FRMD4B: variants seen among roughly 807,000 people sequenced by gnomAD.
FRMD4B encodes the protein FERM domain-containing protein 4B.
FRMD4B carries 74 observed loss-of-function variants against 141.5 expected under a neutral mutation model. The observed-to-expected ratio is 0.52, with a 90% CI of 0.43 to 0.63. The LOEUF is 0.63. FRMD4B is among the 30% of genes least tolerant of loss of function. The probability of loss-of-function intolerance (pLI) is 0.00; values close to 1 mark genes in which losing one functional copy is unlikely to be tolerated. For missense variants in FRMD4B, 1,366 were observed against 1,253.4 expected (o/e 1.09, Z -1.36); for synonymous variants, 506 against 467.9 (o/e 1.08, Z -1.05).
intron 1 of FRMD4B, among the ~76,000 whole-genome samples, chr3:69,520,462 A>G (rs540409314): frequency 6.7e-6 from 1 of 149,846 alleles, no homozygotes; most frequent in East Asian, 2.0e-4. Flanking sequence ...TGGGGTGTAT[A>G]CCAGATACCT....
intron 1 of FRMD4B, among the ~76,000 whole-genome samples, chr3:69,356,833 C>T (rs1703338486): frequency 6.6e-6 from 1 of 152,036 alleles, no homozygotes; most frequent in Non-Finnish European, 1.5e-5. Flanking sequence ...TGGAGAGAGA[C>T]ATACTCCAAT....
rs1374690573 is a variant in FRMD4B, at chr3:69,199,826, CT to C, written c.877-1053del. The stretch of plus-strand genomic sequence containing the variant: ...AACCAAATAATTTGATAGAAAGCAG[CT>C]CATTCACAGAATTGAGGATGCCTTG... On this transcript the variant is annotated intron_variant, in intron 11 of 22. Transcript: ENST00000398540. Among the ~76,000 whole-genome samples, 11 of 152,338 alleles carry C rather than the reference CT, an allele frequency of 7.2e-5. No individual in the cohort carries two copies. In the South Asian group the frequency reaches 8.3e-4, roughly 11 times the overall value.
At chr3:69,310,335 C>T (rs538668084) in intron 3 of FRMD4B, 13 of 397,078 alleles carry the variant, frequency 3.3e-5, no homozygotes, top group African/African-American at 2.5e-4. Context: ...AACTAAAGAA[C>T]TGAAAAATAT....
chr3:69,290,952 A>T (rs1434577813), intron 4 of FRMD4B, among the ~76,000 whole-genome samples: 1 of 152,196 alleles, frequency 6.6e-6, no homozygotes, highest in Non-Finnish European at 1.5e-5. Context: ...TGGGCGTCTC[A>T]ACCATGTAAA....
At chr3:69,221,049 G>A (rs958855580) in intron 9 of FRMD4B, among the ~76,000 whole-genome samples, 1 of 151,130 alleles carries the variant, frequency 6.6e-6, no homozygotes, top group Non-Finnish European at 1.5e-5. Flanking sequence ...TGCAACATCC[G>A]CCTCCCTGGT....
At chr3:69,250,290 CGTGTGTGTGT>C (rs10526962) in intron 5 of FRMD4B, 191 bp from the exon 6 acceptor site, 8 of 418,626 alleles carry the variant, frequency 1.9e-5, no homozygotes, top group African/African-American at 4.0e-5. Context: ...ACTGTGTGTG[CGTGTGTGTGT>C]GTGTGTGTGT....
chr3:69,450,880 T>C (rs1160706961), intron 1 of FRMD4B, among the ~76,000 whole-genome samples: 2 of 152,214 alleles, frequency 1.3e-5, no homozygotes, highest in African/African-American at 4.8e-5. Flanking sequence ...TCTGATGGCC[T>C]TCCCACTAAA....
chr3:69,235,150 AAATAATAATAATAATAAT>A (rs55995422), intron 7 of FRMD4B, among the ~76,000 whole-genome samples: 80 of 134,110 alleles, frequency 6.0e-4, no homozygotes, highest in African/African-American at 1.4e-3. Context: ...ACCCTGTCTC[AAATAATAATAATAATAAT>A]AATAATAATA....
In FRMD4B at chr3:69,443,174, G is replaced by C. The variant is rs78972412; in HGVS notation, c.-128-10413C>G. Among the ~76,000 whole-genome samples the C allele has an allele frequency of 2.5e-3, 373 of 152,236 alleles. 1 individual carries two copies. The highest frequency in any genetic ancestry group is 4.0e-3 in the Non-Finnish European group (273 of 68,000). On this transcript the variant is annotated intron_variant, in intron 1 of 5. Coordinates refer to the FRMD4B transcript ENST00000459638. ...CCCTGACCCCCAGGGAGGGGAGAGGGGCTGGAGGTTGAGTTCAGTCACCAG... is the reference window on the plus strand; with the variant it reads ...CCCTGACCCCCAGGGAGGGGAGAGGCGCTGGAGGTTGAGTTCAGTCACCAG...
At chr3:69,191,999 A>G (rs1200554838) in intron 17 of FRMD4B, among the ~76,000 whole-genome samples, 1 of 152,176 alleles carries the variant, frequency 6.6e-6, no homozygotes, top group Non-Finnish European at 1.5e-5. Context: ...ACCTTATTTC[A>G]TCAAATCTAA....
chr3:69,469,074 A>T (rs1325843311), intron 1 of FRMD4B, among the ~76,000 whole-genome samples: 4 of 152,156 alleles, frequency 2.6e-5, no homozygotes, highest in African/African-American at 9.7e-5. Context: ...TTCCTACCAA[A>T]TCCCTTTAAA....
In FRMD4B at chr3:69,212,402, GA is replaced by G. The variant is rs1263494774; in HGVS notation, c.876+3860del. Among the ~76,000 whole-genome samples, 216 of 79,314 alleles carry G rather than the reference GA, an allele frequency of 2.7e-3. 1 individual carries two copies. The highest frequency in any genetic ancestry group is 6.5e-3 in the South Asian group (16 of 2,456). 52.0% of individuals were successfully genotyped at this position (79,314 alleles called of 152,430 possible). Reference sequence around the variant, plus strand: ...AAAAGAAAAAAAAAAAGAAAAAAAAGAAAAAAAGCGATAACAAAAGATGGAC... The same window carrying G: ...AAAAGAAAAAAAAAAAGAAAAAAAAGAAAAAAGCGATAACAAAAGATGGAC... On this transcript the variant is annotated intron_variant, in intron 11 of 22. Transcript: ENST00000398540.
In FRMD4B at chr3:69,170,437, T is replaced by C. The variant is rs2092574346; in HGVS notation, c.*1424A>G. On this transcript the variant is annotated 3_prime_UTR_variant, in exon 23 of 23. Coordinates refer to ENST00000398540, the MANE Select transcript of FRMD4B (RefSeq NM_015123.3). ...TGCTTGTCTTTTTTCCAAAATTTTT[T>C]CCCAAACTTCATTTCTAATTATACA... is the stretch of plus-strand genomic sequence containing the variant. 1.3e-5 allele frequency: 2 copies of C among 152,192 alleles called. No homozygotes were observed. The highest frequency in any genetic ancestry group is 2.9e-5 in the Non-Finnish European group (2 of 68,032). The allele number at this position is 152,192 out of a possible 1,614,324, so 9.4% of individuals were successfully genotyped here.
intron 4 of FRMD4B, among the ~76,000 whole-genome samples, chr3:69,295,925 T>C (rs937049683): frequency 2.0e-5 from 3 of 152,138 alleles, no homozygotes; most frequent in Admixed American, 1.3e-4. Context: ...CAAGTGATTC[T>C]CCTGCCTCAG....
intron 1 of FRMD4B, among the ~76,000 whole-genome samples, chr3:69,324,574 C>G (rs550807100): frequency 1.2e-4 from 18 of 152,352 alleles, no homozygotes; most frequent in Admixed American, 1.1e-3. Flanking sequence ...GATCCTCCCC[C>G]ATATGTCTCC....
intron 1 of FRMD4B, among the ~76,000 whole-genome samples, chr3:69,436,533 T>C (rs886499871): frequency 3.3e-5 from 5 of 152,206 alleles, no homozygotes; most frequent in Non-Finnish European, 4.4e-5. Context: ...AGCTGTTTAG[T>C]AGTCTCTCAA....
chr3:69,443,008 A>C (rs1335471731), intron 1 of FRMD4B, among the ~76,000 whole-genome samples: 1 of 152,206 alleles, frequency 6.6e-6, no homozygotes, highest in East Asian at 1.9e-4. Context: ...TTTGTTACTC[A>C]TAATAAGCCC....
rs1247213701 is a variant in FRMD4B, at chr3:69,437,241, TA to T, written c.-128-4481del. On this transcript the variant is annotated intron_variant, in intron 1 of 5. Transcript: ENST00000459638. ...GCACGCGCCACCATGCCCAGCTTTT[TA>T]AAAAAAATTTATAGAGATGAGGTCT... Among the ~76,000 whole-genome samples the T allele has an allele frequency of 2.0e-5, 3 of 151,752 alleles. No homozygotes were observed. In the South Asian group the frequency reaches 6.3e-4, roughly 32 times the overall value.
intron 2 of FRMD4B, among the ~76,000 whole-genome samples, chr3:69,421,113 T>G (rs1704970385): frequency 6.6e-6 from 1 of 152,112 alleles, no homozygotes; most frequent in South Asian, 2.1e-4. Context: ...TAAGTGAGGA[T>G]GAGATTTGTG....
Sources: gnomAD v4.1 joint callset for allele counts (sites outside exome capture counted in the v4.1 genomes callset) on GRCh38, gnomAD v4.1.1 for gene constraint, MANE v1.5 for transcripts, NCBI Gene and HGNC (gene_info 2026-07-23, HGNC 2026-07-21) for gene names.